Variants in KIF21A observed in about 807,000 individuals in gnomAD.
The protein encoded by KIF21A is kinesin family member 21A, also known as kinesin-like protein KIF21A.
Under a neutral mutation model 202.9 loss-of-function variants are expected in KIF21A, and 114 were observed. That is an observed-to-expected ratio of 0.56 (90% CI 0.48 to 0.66). The LOEUF (loss-of-function observed/expected upper bound fraction) is 0.66, where lower values mean the gene tolerates loss of function less well. KIF21A is among the 30% of genes least tolerant of loss of function. The probability of loss-of-function intolerance (pLI) is 0.00; values close to 1 mark genes in which losing one functional copy is unlikely to be tolerated. For missense variants in KIF21A, 1,677 were observed against 1,994.9 expected, an observed-to-expected ratio of 0.84 and a Z score of 3.04; for synonymous variants, 667 against 670.8, an observed-to-expected ratio of 0.99 and a Z score of 0.09.
intron 37 of KIF21A, among the ~76,000 whole-genome samples, chr12:39,296,966 G>T (rs898291963): frequency 2.6e-5 from 4 of 152,180 alleles, no homozygotes; most frequent in African/African-American, 9.7e-5. Flanking sequence ...ACTTTGTTTA[G>T]AAGTCTATTA....
chr12:39,342,213 A>G lies in KIF21A; in HGVS notation c.1713-89T>C, dbSNP rs557930619. 40 of 909,796 alleles carry G rather than the reference A, an allele frequency of 4.4e-5. 3 individuals carry two copies. The South Asian group carries it at 5.5e-4, about 12-fold the overall frequency. The allele number at this position is 909,796 out of a possible 1,614,324, so 56.4% of individuals were successfully genotyped here. A position where few individuals can be genotyped will look rare whatever the true frequency, so the allele number is the denominator to read the frequency against. ...CTCAGATTTTTAGAAGCCATCAATG[A>G]TTTGTGAAAACAAACTTTAAATGTT... On this transcript the variant is annotated intron_variant, in intron 12 of 37. Transcript: ENST00000361418.
rs532064209 is a variant in KIF21A at position 39,392,853 on chromosome 12, G to A, written c.45-22592C>T. Among the ~76,000 whole-genome samples, 22 of 137,544 alleles carry A rather than the reference G, an allele frequency of 1.6e-4. No homozygotes were observed. In the South Asian group the frequency reaches 4.9e-3, roughly 31 times the overall value. The allele number at this position is 137,544 out of a possible 152,430, so 90.2% of individuals were successfully genotyped here. A position where few individuals can be genotyped will look rare whatever the true frequency, so the allele number is the denominator to read the frequency against. On this transcript the variant is annotated intron_variant, in intron 1 of 37. Coordinates refer to ENST00000361418, the MANE Select transcript of KIF21A (RefSeq NM_001173464.2). ...CCATACTAGATGTTTACATAAAAAA[G>A]ATCAACATTTTAAAAGAAATTTTAA...
At chr12:39,434,899 T>C (rs772023428) in intron 1 of KIF21A, among the ~76,000 whole-genome samples, 11 of 152,208 alleles carry the variant, frequency 7.2e-5, no homozygotes, top group Non-Finnish European at 1.2e-4. Context: ...CTAGCTGACT[T>C]AGTAGTTGTA....
At chr12:39,382,522 C>A (rs1054846457) in intron 1 of KIF21A, among the ~76,000 whole-genome samples, 1 of 152,036 alleles carries the variant, frequency 6.6e-6, no homozygotes. Context: ...TTTCTCCGGT[C>A]AACATGAATT....
In KIF21A at chr12:39,369,747, C is replaced by T. The variant is rs1230405668; in HGVS notation, c.432G>A (p.Val144=). 12 of 1,612,428 alleles carry T rather than the reference C, an allele frequency of 7.4e-6. No homozygotes were observed. The highest frequency in any genetic ancestry group is 3.3e-5 in the Admixed American group (2 of 59,922). Residue 144 remains valine, a synonymous_variant, in exon 3 of 38, where the codon GTG becomes GTA. Transcript: ENST00000361418. ...TTATTACCTCTAAGAATTGGGCATT[C>T]ACTTTAAAATCTGGAGCAGGAAGCC... The part of the protein sequence containing the change: ...KNGLPAPDFK[V]NAQFLELYNE...
chr12:39,312,992 CTG>C (rs1944178971), intron 31 of KIF21A, among the ~76,000 whole-genome samples: 1 of 151,844 alleles, frequency 6.6e-6, no homozygotes, highest in African/African-American at 2.4e-5. Flanking sequence ...TAAAGGAAAA[CTG>C]TTTTGTTTCC....
At chr12:39,376,354 A>G (rs1218177748) in intron 1 of KIF21A, among the ~76,000 whole-genome samples, 4 of 152,162 alleles carry the variant, frequency 2.6e-5, no homozygotes, top group African/African-American at 9.6e-5. Flanking sequence ...TTTTATCAGT[A>G]TAGGGTACAA....
chr12:39,337,134 C>T lies in KIF21A; in HGVS notation c.2380G>A (p.Glu794Lys). 6.2e-7 allele frequency: 1 copy of T among 1,612,288 alleles called. No homozygotes were observed. Among genetic ancestry groups the T allele is most frequent in the Non-Finnish European group, 8.5e-7 (1 of 1,179,258 alleles). ...ARLTESRRNREIAQLKKDQRK... is the reference protein window; with the variant it reads ...ARLTESRRNRKIAQLKKDQRK... Reference sequence around the variant, plus strand: ...TGATCCTTTTTCAACTGAGCAATCTCTCTGTTTCTTCTAGACTCAGTCAGT... The same window carrying T: ...TGATCCTTTTTCAACTGAGCAATCTTTCTGTTTCTTCTAGACTCAGTCAGT... Residue 794 changes from glutamate (E) to lysine (K), a missense_variant, in exon 17 of 38, where the codon GAG (glutamate) becomes AAG (lysine). Glu to Lys is a moderately conservative substitution (Grantham distance 56, BLOSUM62 1). Transcript: ENST00000361418.
At chr12:39,391,114 A>G (rs1181774292) in intron 1 of KIF21A, among the ~76,000 whole-genome samples, 1 of 152,202 alleles carries the variant, frequency 6.6e-6, no homozygotes, top group East Asian at 1.9e-4. Flanking sequence ...TGTAACACAT[A>G]CTGATTCCAT....
At chr12:39,416,683 G>T (rs200891500) in intron 1 of KIF21A, among the ~76,000 whole-genome samples, 1 of 88,790 alleles carries the variant, frequency 1.1e-5, no homozygotes, top group Non-Finnish European at 2.1e-5. Flanking sequence ...ACATATATAT[G>T]TGTGTATATA....
rs185341660 is a variant in KIF21A at position 39,397,154 on chromosome 12, T to A, written c.45-26893A>T. ...ATCAATGTACTAAATTACTGAACTA[T>A]ATACTTGCATTGGGTGAATTTTATG... On this transcript the variant is annotated intron_variant, in intron 1 of 37. Transcript: ENST00000361418. 1.2e-4 allele frequency among the ~76,000 whole-genome samples: 18 copies of A among 152,340 alleles called. No individual in the cohort carries two copies. The East Asian group carries it at 3.5e-3, about 29-fold the overall frequency.
At chr12:39,396,294 A>T (rs1410943737) in intron 1 of KIF21A, among the ~76,000 whole-genome samples, 1 of 152,142 alleles carries the variant, frequency 6.6e-6, no homozygotes, top group Non-Finnish European at 1.5e-5. Flanking sequence ...TTTCCTTCCC[A>T]ACCCTCACCT....
At chr12:39,315,132 A>T in intron 31 of KIF21A, 97 bp downstream of exon 31, 2 of 1,132,714 alleles carry the variant, frequency 1.8e-6, no homozygotes, top group Non-Finnish European at 2.7e-6. Context: ...GATCTGAAGG[A>T]GAGAAAAAAA....
chr12:39,417,541 T>C (rs1006151729), intron 1 of KIF21A, among the ~76,000 whole-genome samples: 2 of 152,274 alleles, frequency 1.3e-5, no homozygotes, highest in African/African-American at 4.8e-5. Flanking sequence ...AAATGTAGCA[T>C]ACAAGGAAAA....
At chr12:39,393,564 C>T (rs1592518226) in intron 1 of KIF21A, among the ~76,000 whole-genome samples, 1 of 152,132 alleles carries the variant, frequency 6.6e-6, no homozygotes, top group East Asian at 1.9e-4. Flanking sequence ...TCATTTTTCC[C>T]TCACTTCTGT....
At chr12:39,435,482 G>A (rs896864041) in intron 1 of KIF21A, among the ~76,000 whole-genome samples, 3 of 151,056 alleles carry the variant, frequency 2.0e-5, no homozygotes, top group Non-Finnish European at 4.4e-5. Flanking sequence ...GATTTAGGAT[G>A]CTTTTGGGGT....
intron 32 of KIF21A, among the ~76,000 whole-genome samples, chr12:39,310,000 T>A (rs1943867178): frequency 6.6e-6 from 1 of 152,042 alleles, no homozygotes; most frequent in South Asian, 2.1e-4. Flanking sequence ...TATCATGTGG[T>A]ATTGAAAAAA....
In KIF21A at chr12:39,294,250, C is replaced by T; in HGVS notation, c.*174G>A. The T allele has an allele frequency of 1.7e-6, 1 of 593,398 alleles. No individual in the cohort carries two copies. 36.8% of individuals were successfully genotyped at this position (593,398 alleles called of 1,614,324 possible). A position where few individuals can be genotyped will look rare whatever the true frequency, so the allele number is the denominator to read the frequency against. On this transcript the variant is annotated 3_prime_UTR_variant, in exon 38 of 38. Transcript: ENST00000361418. ...TTGGTTGATCTTAAAACTAAGCACA[C>T]AGGATAGTACACAATTTTATTAGAA... is the stretch of plus-strand genomic sequence containing the variant.
intron 1 of KIF21A, among the ~76,000 whole-genome samples, chr12:39,416,661 ATATATATATGTACATATATATGTGTG>A (rs1566265759): frequency 3.9e-5 from 4 of 103,582 alleles, no homozygotes; most frequent in South Asian, 2.8e-4. Flanking sequence ...ATATATGTGT[ATATATATATGTACATATATATGTGTG>A]TATATATATA....
Sources: gnomAD v4.1 joint callset for allele counts (sites outside exome capture counted in the v4.1 genomes callset) on GRCh38, gnomAD v4.1.1 for gene constraint, MANE v1.5 for transcripts, NCBI Gene and HGNC (gene_info 2026-07-23, HGNC 2026-07-21) for gene names.